Variants in AFF2 observed in about 807,000 individuals in gnomAD.
The protein encoded by AFF2 is ALF transcription elongation factor 2.
A neutral mutation model predicts 76.9 loss-of-function variants in AFF2; 14 were observed. That is an observed-to-expected ratio of 0.18 (90% CI 0.12 to 0.28). AFF2 has a LOEUF of 0.28. Ranked by LOEUF, AFF2 falls within the 10% of genes least tolerant of loss-of-function variation. The pLI is 1.00. For synonymous variants in AFF2, 398 were observed against 366.7 expected, an observed-to-expected ratio of 1.09 and a Z score of -0.98; for missense variants, 868 against 1,001.1, an observed-to-expected ratio of 0.87 and a Z score of 1.79.
At chrX:148,731,137 T>C (rs782621400) in intron 3 of AFF2, among the ~76,000 whole-genome samples, 3 of 112,013 alleles carry the variant, frequency 2.7e-5, no homozygotes, top group African/African-American at 9.7e-5. Context: ...CCTAGCCAAG[T>C]GTCTTAGACC....
At chrX:148,659,410 C>T (rs1557257478) in intron 2 of AFF2, among the ~76,000 whole-genome samples, 1 of 112,273 alleles carries the variant, frequency 8.9e-6, no homozygotes, top group Non-Finnish European at 1.9e-5. Context: ...AAGGAGACTA[C>T]AATGACTTTT....
chrX:148,627,586 G>A (rs1557252286), intron 1 of AFF2, among the ~76,000 whole-genome samples: 1 of 112,078 alleles, frequency 8.9e-6, no homozygotes, highest in Non-Finnish European at 1.9e-5. Context: ...AAACAGGGCA[G>A]TAGCAATATC....
At chrX:148,674,339 G>T (rs951763748) in intron 3 of AFF2, among the ~76,000 whole-genome samples, 3 of 112,364 alleles carry the variant, frequency 2.7e-5, no homozygotes, top group East Asian at 5.6e-4. Context: ...TCTAGACAAA[G>T]TTTCACACAG....
rs2072659229 is a variant in AFF2 at position 149,000,111 on chromosome X, C to T, written c.*8779C>T. 1 of 112,130 alleles carries T rather than the reference C, an allele frequency of 8.9e-6. No individual in the cohort carries two copies. The highest frequency in any genetic ancestry group is 3.2e-5 in the African/African-American group (1 of 30,835). 9.2% of individuals were successfully genotyped at this position (112,130 alleles called of 1,213,427 possible). A position where few individuals can be genotyped will look rare whatever the true frequency, so the allele number is the denominator to read the frequency against. ...GACGTCCTGTCCCCAAAGGAAGACC[C>T]TTTCCCCAAGGGCACCCCAGGTGGC... On this transcript the variant is annotated 3_prime_UTR_variant, in exon 21 of 21. Transcript: ENST00000370460.
chrX:148,577,888 G>A (rs1185749203), intron 1 of AFF2, among the ~76,000 whole-genome samples: 1 of 111,948 alleles, frequency 8.9e-6, no homozygotes, highest in African/African-American at 3.2e-5. Context: ...CACCCCTGAG[G>A]CTGTGCCTGT....
intron 3 of AFF2, among the ~76,000 whole-genome samples, chrX:148,737,802 A>G (rs1323915686): frequency 4.5e-5 from 5 of 111,485 alleles, no homozygotes; most frequent in Non-Finnish European, 9.4e-5. Flanking sequence ...TTGTATACCA[A>G]TTTTGCTGAG....
intron 1 of AFF2, among the ~76,000 whole-genome samples, chrX:148,569,565 A>G (rs1427023953): frequency 9.0e-6 from 1 of 111,551 alleles, no homozygotes; most frequent in Non-Finnish European, 1.9e-5. Flanking sequence ...AATCTATCAA[A>G]TTCTTCTATT....
chrX:148,730,060 A>G (rs1366876742), intron 3 of AFF2, among the ~76,000 whole-genome samples: 3 of 112,062 alleles, frequency 2.7e-5, no homozygotes, highest in Non-Finnish European at 5.6e-5. Context: ...AATGTGCTTG[A>G]AGATCTTCTG....
intron 3 of AFF2, among the ~76,000 whole-genome samples, chrX:148,717,119 A>G (rs1447808840): frequency 2.7e-5 from 3 of 112,161 alleles, no homozygotes; most frequent in Non-Finnish European, 3.8e-5. Context: ...GCAGATGTTC[A>G]TAATAGCATT....
intron 2 of AFF2, 147 bp from the exon 3 acceptor site, chrX:148,661,761 G>A: frequency 1.6e-6 from 1 of 637,457 alleles, no homozygotes; most frequent in Non-Finnish European, 2.3e-6. Flanking sequence ...CATAGCACAT[G>A]AAAAGCATGA....
intron 8 of AFF2, 50 bp downstream of exon 8, chrX:148,886,035 A>T (rs781788255): frequency 4.1e-6 from 4 of 975,388 alleles, no homozygotes; most frequent in East Asian, 6.1e-5. Context: ...GAGCAGGAGG[A>T]ACTGGAATGG....
At chrX:148,798,390 C>T (rs1327614562) in intron 3 of AFF2, among the ~76,000 whole-genome samples, 1 of 112,347 alleles carries the variant, frequency 8.9e-6, no homozygotes, top group Admixed American at 9.4e-5. Flanking sequence ...ATAGCACTCC[C>T]TGTGGACAGC....
intron 7 of AFF2, among the ~76,000 whole-genome samples, chrX:148,857,205 A>G (rs1196467663): frequency 8.9e-6 from 1 of 112,099 alleles, no homozygotes; most frequent in African/African-American, 3.2e-5. Flanking sequence ...TGAGTGAACT[A>G]TGAAAAATAA....
rs143656949 is a variant in AFF2 at position 148,752,958 on chromosome X, C to T, written c.1042-56918C>T. ...AACATTAAAACTCAATCTTTTCTCC[C>T]AGAGTCATGTTGCATCTTATATTCC... On this transcript the variant is annotated intron_variant, in intron 3 of 20. Transcript: ENST00000370460. Among the ~76,000 whole-genome samples the T allele has an allele frequency of 6.7e-3, 752 of 111,503 alleles. 7 individuals carry two copies. The highest frequency in any genetic ancestry group is 0.023 in the African/African-American group (707 of 30,702).
chrX:148,576,124 A>G (rs1180205852), intron 1 of AFF2, among the ~76,000 whole-genome samples: 1 of 111,708 alleles, frequency 9.0e-6, no homozygotes, highest in African/African-American at 3.2e-5. Flanking sequence ...GATCATAGGC[A>G]GCAGCACCTA....
At chrX:148,532,310 T>A (rs968710124) in intron 1 of AFF2, among the ~76,000 whole-genome samples, 2 of 112,394 alleles carry the variant, frequency 1.8e-5, no homozygotes, top group Admixed American at 9.4e-5. Context: ...TGCCATTTTT[T>A]AACTTAATGT....
At chrX:148,788,398 CAT>C (rs1158219278) in intron 3 of AFF2, among the ~76,000 whole-genome samples, 2 of 112,012 alleles carry the variant, frequency 1.8e-5, no homozygotes, top group Non-Finnish European at 3.8e-5. Context: ...GTATCAAGAA[CAT>C]ATGTCTGTGT....
At chrX:148,722,221 GAACAAC>G (rs781916257) in intron 3 of AFF2, among the ~76,000 whole-genome samples, 2 of 110,498 alleles carry the variant, frequency 1.8e-5, no homozygotes, top group African/African-American at 3.3e-5. Flanking sequence ...TCTGGTTCAG[GAACAAC>G]AACAACAACA....
chrX:148,682,356 A>G (rs1191216685), intron 3 of AFF2, among the ~76,000 whole-genome samples: 4 of 112,175 alleles, frequency 3.6e-5, no homozygotes, highest in East Asian at 2.8e-4. Context: ...CCCGACATCT[A>G]CAATCCTTTG....
Sources: allele counts gnomAD v4.1 joint callset (sites outside exome capture counted in the v4.1 genomes callset), GRCh38; gene constraint gnomAD v4.1.1; transcripts MANE v1.5; gene names NCBI Gene and HGNC (gene_info 2026-07-23, HGNC 2026-07-21).